Variants in PARD3 observed in about 807,000 individuals in gnomAD.
The protein encoded by PARD3 is partitioning defective 3 homolog.
In PARD3, 75 loss-of-function variants were observed where a neutral mutation model predicts 155.4. The ratio of observed to expected loss-of-function variants is 0.48; its 90% CI spans 0.40 to 0.58. The LOEUF (loss-of-function observed/expected upper bound fraction) is 0.58, where lower values mean the gene tolerates loss of function less well. PARD3 is among the 20% of genes least tolerant of loss of function. The pLI is 0.00. For synonymous variants in PARD3, 576 were observed against 610.5 expected, an observed-to-expected ratio of 0.94 and a Z score of 0.83; for missense variants, 1,642 against 1,721.7, an observed-to-expected ratio of 0.95 and a Z score of 0.82.
intron 2 of PARD3, among the ~76,000 whole-genome samples, chr10:34,599,200 A>C (rs1323222887): frequency 6.6e-6 from 1 of 152,178 alleles, no homozygotes; most frequent in East Asian, 1.9e-4. Flanking sequence ...TCTTAGCGTA[A>C]GTATGGCTTG....
intron 12 of PARD3, 82 bp from the exon 13 acceptor site, chr10:34,360,341 GT>G: frequency 7.9e-6 from 8 of 1,010,552 alleles, no homozygotes; most frequent in Non-Finnish European, 1.1e-5. Context: ...CTAATGAGCA[GT>G]TCCTTAATCA....
intron 19 of PARD3, among the ~76,000 whole-genome samples, chr10:34,321,066 A>T (rs1184177818): frequency 6.6e-6 from 1 of 152,212 alleles, no homozygotes; most frequent in Admixed American, 6.5e-5. Context: ...TAGTTTCAAA[A>T]GCTCAAATAA....
intron 2 of PARD3, among the ~76,000 whole-genome samples, chr10:34,585,083 C>G (rs1215132528): frequency 6.6e-6 from 1 of 152,136 alleles, no homozygotes; most frequent in Non-Finnish European, 1.5e-5. Flanking sequence ...GCTAATTCTT[C>G]TAGATCATTA....
chr10:34,128,057 C>T (rs1457832609), intron 23 of PARD3, among the ~76,000 whole-genome samples: 1 of 152,116 alleles, frequency 6.6e-6, no homozygotes, highest in Non-Finnish European at 1.5e-5. Flanking sequence ...AGAGATTTTC[C>T]AGGGAACTTG....
chr10:34,402,356 T>C (rs942371511), intron 5 of PARD3, among the ~76,000 whole-genome samples: 1 of 152,274 alleles, frequency 6.6e-6, no homozygotes, highest in East Asian at 1.9e-4. Flanking sequence ...ACAACGATTA[T>C]AAACCATAAC....
At chr10:34,721,275 G>T (rs1432744074) in intron 1 of PARD3, among the ~76,000 whole-genome samples, 3 of 152,166 alleles carry the variant, frequency 2.0e-5, no homozygotes, top group Admixed American at 6.5e-5. Flanking sequence ...AAAATTAACA[G>T]AATTTTAATA....
chr10:34,204,339 G>T (rs1410004453), intron 22 of PARD3, among the ~76,000 whole-genome samples: 1 of 152,196 alleles, frequency 6.6e-6, no homozygotes, highest in Non-Finnish European at 1.5e-5. Context: ...GGCTGGACAA[G>T]ATAACCACCT....
chr10:34,730,655 C>T (rs907645454), intron 1 of PARD3, among the ~76,000 whole-genome samples: 16 of 152,124 alleles, frequency 1.1e-4, no homozygotes, highest in African/African-American at 3.6e-4. Flanking sequence ...TGTGATGATG[C>T]ATGCCTGTAG....
chr10:34,269,992 A>AT, intron 21 of PARD3, 93 bp from the exon 22 acceptor site: 2 of 1,261,574 alleles, frequency 1.6e-6, no homozygotes, highest in South Asian at 1.5e-5. Context: ...TGTAAAATAT[A>AT]TTTGATTTCT....
At position 34,151,598 on chromosome 10, in the gene PARD3, C is replaced by T. The variant is rs532775012; in HGVS notation, c.3420-20015G>A. Among the ~76,000 whole-genome samples, 11 of 152,200 alleles carry T rather than the reference C, an allele frequency of 7.2e-5. No individual in the cohort carries two copies. In the East Asian group the frequency reaches 1.2e-3, roughly 16 times the overall value. On this transcript the variant is annotated intron_variant, in intron 22 of 24. Coordinates refer to ENST00000374788, the MANE Select transcript of PARD3 (RefSeq NM_001184785.2). ...ACCACACTCAAATTCAATCCATAAA[C>T]GACACATTGTTCACATCTCGCCAAG...
intron 2 of PARD3, among the ~76,000 whole-genome samples, chr10:34,661,868 C>G (rs1446775868): frequency 2.0e-5 from 3 of 152,142 alleles, no homozygotes; most frequent in Non-Finnish European, 4.4e-5. Flanking sequence ...TTTATCCAAT[C>G]AATGTTAGAT....
intron 2 of PARD3, among the ~76,000 whole-genome samples, chr10:34,544,987 C>T (rs533402176): frequency 3.9e-4 from 59 of 152,206 alleles, no homozygotes; most frequent in African/African-American, 1.2e-3. Context: ...GTATTGAGTT[C>T]GTGCACTCAA....
chr10:34,156,091 A>G (rs1948992379), intron 22 of PARD3, among the ~76,000 whole-genome samples: 1 of 152,138 alleles, frequency 6.6e-6, no homozygotes, highest in Non-Finnish European at 1.5e-5. Context: ...AAATTGGATG[A>G]CTGATTCTCA....
intron 9 of PARD3, among the ~76,000 whole-genome samples, chr10:34,379,840 T>C (rs1841643435): frequency 1.3e-5 from 2 of 152,102 alleles, no homozygotes; most frequent in Non-Finnish European, 2.9e-5. Context: ...TATTAAGAAA[T>C]CATAATTATG....
At chr10:34,526,906 C>T (rs74132046) in intron 2 of PARD3, among the ~76,000 whole-genome samples, 2,622 of 152,258 alleles carry the variant, frequency 0.017, 86 homozygotes, top group African/African-American at 0.06. Context: ...CCTCGTTGGG[C>T]TTCCTTAACG....
At chr10:34,244,993 A>C (rs181363256) in intron 22 of PARD3, among the ~76,000 whole-genome samples, 2 of 152,182 alleles carry the variant, frequency 1.3e-5, no homozygotes, top group Non-Finnish European at 2.9e-5. Context: ...GAGTCCTAAA[A>C]ACAGATCTCA....
At chr10:34,630,323 C>T (rs1011803885) in intron 2 of PARD3, among the ~76,000 whole-genome samples, 1 of 152,210 alleles carries the variant, frequency 6.6e-6, no homozygotes, top group African/African-American at 2.4e-5. Context: ...GTGGCAGAGA[C>T]TCCTCCTGCA....
chr10:34,607,187 C>A (rs1371944940), intron 2 of PARD3, among the ~76,000 whole-genome samples: 2 of 152,114 alleles, frequency 1.3e-5, no homozygotes, highest in Non-Finnish European at 2.9e-5. Context: ...CACCCTATCC[C>A]ACCCACAAAG....
intron 3 of PARD3, among the ~76,000 whole-genome samples, chr10:34,493,900 C>A (rs1231176375): frequency 6.6e-6 from 1 of 152,114 alleles, no homozygotes; most frequent in Non-Finnish European, 1.5e-5. Flanking sequence ...CATGGAAATA[C>A]CATATTACAG....
Sources: gnomAD v4.1 joint callset for allele counts (sites outside exome capture counted in the v4.1 genomes callset) on GRCh38, gnomAD v4.1.1 for gene constraint, MANE v1.5 for transcripts, NCBI Gene and HGNC (gene_info 2026-07-23, HGNC 2026-07-21) for gene names.